RTN1: variants seen among roughly 807,000 people sequenced by gnomAD.
RTN1 encodes the protein reticulon 1, also known as reticulon-1.
In RTN1, 25 loss-of-function variants were observed where a neutral mutation model predicts 65.5. The ratio of observed to expected loss-of-function variants is 0.38; its 90% CI spans 0.28 to 0.53. The LOEUF (loss-of-function observed/expected upper bound fraction) is 0.53, where lower values mean the gene tolerates loss of function less well. Among genes scored for constraint, RTN1 ranks in the 20% least tolerant of loss-of-function variants. The pLI, the probability that RTN1 is intolerant of heterozygous loss-of-function variation, is 0.79. For synonymous variants in RTN1, 471 were observed against 447.6 expected, an observed-to-expected ratio of 1.05 and a Z score of -0.66; for missense variants, 983 against 1,025.4, an observed-to-expected ratio of 0.96 and a Z score of 0.57.
intron 1 of RTN1, among the ~76,000 whole-genome samples, chr14:59,828,866 A>G (rs1238464331): frequency 6.6e-6 from 1 of 152,212 alleles, no homozygotes. Flanking sequence ...CAAGGCACTG[A>G]AAGTCTATAG....
chr14:59,626,462 T>C (rs1882402387), intron 3 of RTN1, among the ~76,000 whole-genome samples: 1 of 152,208 alleles, frequency 6.6e-6, no homozygotes, highest in South Asian at 2.1e-4. Flanking sequence ...CAATCAACCA[T>C]ACTACTAAGC....
intron 8 of RTN1, among the ~76,000 whole-genome samples, chr14:59,601,569 T>A (rs925977250): frequency 2.0e-5 from 3 of 152,208 alleles, no homozygotes; most frequent in African/African-American, 7.2e-5. Flanking sequence ...CTCCTCTTTT[T>A]GGACTCAACC....
At chr14:59,779,851 C>T (rs961100679) in intron 1 of RTN1, among the ~76,000 whole-genome samples, 2 of 152,078 alleles carry the variant, frequency 1.3e-5, no homozygotes, top group East Asian at 1.9e-4. Context: ...CTTCCTCCCC[C>T]CACTTCCACC....
intron 1 of RTN1, 50 bp from the exon 2 acceptor site, chr14:59,746,531 C>T (rs755194426): frequency 6.7e-7 from 1 of 1,490,572 alleles, no homozygotes; most frequent in Non-Finnish European, 9.0e-7. Flanking sequence ...GGCGTCAGCT[C>T]TCTCTCTTGT....
At chr14:59,597,040 G>A (rs1881422906) in intron 8 of RTN1, among the ~76,000 whole-genome samples, 1 of 152,130 alleles carries the variant, frequency 6.6e-6, no homozygotes, top group African/African-American at 2.4e-5. Context: ...TTTAGGTGGA[G>A]GAACATATTG....
chr14:59,841,266 G>A (rs1047246425), intron 1 of RTN1, among the ~76,000 whole-genome samples: 4 of 152,132 alleles, frequency 2.6e-5, no homozygotes, highest in Non-Finnish European at 4.4e-5. Context: ...GAAGATGCAA[G>A]TAATGAAGGA....
chr14:59,666,690 C>T (rs538851108), intron 3 of RTN1, among the ~76,000 whole-genome samples: 47 of 151,660 alleles, frequency 3.1e-4, no homozygotes, highest in South Asian at 8.3e-4. Flanking sequence ...ATTGATAGAC[C>T]GCTAGCAAGA....
chr14:59,746,391 T>A lies in RTN1; in HGVS notation c.332A>T (p.Asp111Val). ...ATCCTCCTGAGGTGGATAGCAGATG[T>A]CAGAAATGAGAGATGTGTAACACGA... ...EGSCYTSLIS[D>V]ICYPPQEDST... Residue 111 changes from aspartate (D) to valine (V), a missense_variant, in exon 2 of 9, where the codon GAC becomes GTC. Physicochemically the swap from Asp to Val is radical, Grantham distance 152. Around this residue, in one of 2 missense-constraint regions of RTN1, gnomAD observed 818 missense variants for 801.8 expected, o/e 1.02. Coordinates refer to ENST00000267484, the MANE Select transcript of RTN1 (RefSeq NM_021136.3). 6.2e-7 allele frequency: 1 copy of A among 1,614,036 alleles called. No homozygotes were observed. Among genetic ancestry groups the A allele is most frequent in the Non-Finnish European group, 8.5e-7 (1 of 1,179,982 alleles).
chr14:59,863,023 T>A (rs1206125514), intron 1 of RTN1, among the ~76,000 whole-genome samples: 2 of 152,152 alleles, frequency 1.3e-5, no homozygotes, highest in African/African-American at 4.8e-5. Flanking sequence ...TCCTCCATTA[T>A]AGCCATGAAC....
intron 1 of RTN1, among the ~76,000 whole-genome samples, chr14:59,810,600 C>T (rs992409173): frequency 1.4e-4 from 22 of 151,906 alleles, no homozygotes; most frequent in African/African-American, 4.6e-4. Context: ...AGACTAAAAG[C>T]GATAAACAAC....
At chr14:59,611,401 T>A (rs923175758) in intron 3 of RTN1, among the ~76,000 whole-genome samples, 1 of 152,192 alleles carries the variant, frequency 6.6e-6, no homozygotes, top group African/African-American at 2.4e-5. Flanking sequence ...GAAATAGTCC[T>A]GGGGAGATGT....
chr14:59,853,544 T>C lies in RTN1; in HGVS notation c.241+16846A>G, dbSNP rs192183356. On this transcript the variant is annotated intron_variant, in intron 1 of 8. Transcript: ENST00000267484. ...GAGTCAAGATTTCTACTATGACTTC[T>C]ACCCCGGCATTCAGTGCACCCAGAA... 5.9e-5 allele frequency among the ~76,000 whole-genome samples: 9 copies of C among 152,300 alleles called. No individual in the cohort carries two copies. The South Asian group carries it at 1.7e-3, about 28-fold the overall frequency.
intron 8 of RTN1, 99 bp downstream of exon 8, chr14:59,602,966 A>G (rs192642817): frequency 3.3e-5 from 27 of 814,226 alleles, no homozygotes; most frequent in Non-Finnish European, 5.1e-5. Context: ...CCATAAATCA[A>G]TCTATCATTT....
chr14:59,612,612 C>A (rs1167803397), intron 3 of RTN1, among the ~76,000 whole-genome samples: 1 of 152,124 alleles, frequency 6.6e-6, no homozygotes, highest in Non-Finnish European at 1.5e-5. Flanking sequence ...GGTTTACAAC[C>A]CCTATAAGCC....
At chr14:59,678,074 G>A (rs1181010470) in intron 3 of RTN1, among the ~76,000 whole-genome samples, 1 of 152,178 alleles carries the variant, frequency 6.6e-6, no homozygotes, top group Admixed American at 6.5e-5. Flanking sequence ...GCTGTGGCCT[G>A]AGATGGTGAG....
chr14:59,748,828 C>T (rs910551221), intron 1 of RTN1, among the ~76,000 whole-genome samples: 3 of 151,820 alleles, frequency 2.0e-5, no homozygotes, highest in Non-Finnish European at 4.4e-5. Context: ...CTTACTCTGT[C>T]GCCCAGGCTG....
intron 1 of RTN1, among the ~76,000 whole-genome samples, chr14:59,758,098 T>G (rs1275334111): frequency 2.0e-5 from 3 of 152,206 alleles, no homozygotes; most frequent in Admixed American, 1.3e-4. Context: ...TACACAGTTT[T>G]GCCTAGTTCA....
At position 59,790,437 on chromosome 14, in the gene RTN1, T is replaced by C. The variant is rs528247224; in HGVS notation, c.242-43956A>G. 1.3e-5 allele frequency among the ~76,000 whole-genome samples: 2 copies of C among 152,172 alleles called. No homozygotes were observed. Among genetic ancestry groups the C allele is most frequent in the Admixed American group, 1.3e-4 (2 of 15,266 alleles). On this transcript the variant is annotated intron_variant, in intron 1 of 8. Coordinates refer to ENST00000267484, the MANE Select transcript of RTN1 (RefSeq NM_021136.3). This position sits in a 1 kb window ranked among gnomAD's most constrained non-coding sequence, Gnocchi z 4.1. ...CTAATAATAATATGAAACTCTTGTG[T>C]CACCTTTTATTCATAATTTTTCTCC...
chr14:59,858,239 T>C (rs1452935048), intron 1 of RTN1, among the ~76,000 whole-genome samples: 1 of 152,178 alleles, frequency 6.6e-6, no homozygotes, highest in African/African-American at 2.4e-5. Context: ...CAGTGCTTCT[T>C]ACAGCTTTAA....
Sources: allele counts gnomAD v4.1 joint callset (sites outside exome capture counted in the v4.1 genomes callset), GRCh38; gene constraint gnomAD v4.1.1; regional missense constraint gnomAD v4.1.1; non-coding constraint Gnocchi (gnomAD v3.1); transcripts MANE v1.5; gene names NCBI Gene and HGNC (gene_info 2026-07-23, HGNC 2026-07-21).